CTH: variants seen among roughly 807,000 people sequenced by gnomAD.
CTH encodes cystathionine gamma-lyase.
Under a neutral mutation model 50.6 loss-of-function variants are expected in CTH, and 41 were observed. The observed-to-expected ratio is 0.81, with a 90% CI of 0.63 to 1.05. The LOEUF is 1.05. Among genes scored for constraint, CTH ranks in the 50% least tolerant of loss-of-function variants. CTH has a pLI of 0.00. For synonymous variants in CTH, 156 were observed against 168.9 expected (o/e 0.92, Z 0.59); for missense variants, 470 against 492.6 (o/e 0.95, Z 0.43).
intron 10 of CTH, among the ~76,000 whole-genome samples, chr1:70,436,311 C>G (rs1684597735): frequency 6.6e-6 from 1 of 152,008 alleles, no homozygotes; most frequent in African/African-American, 2.4e-5. Context: ...CTGGGTGATG[C>G]AGCGAGACTC....
intron 4 of CTH, among the ~76,000 whole-genome samples, chr1:70,423,808 C>T (rs1489774564): frequency 3.9e-5 from 6 of 152,018 alleles, no homozygotes; most frequent in African/African-American, 1.4e-4. Context: ...GATACTTATT[C>T]TATAGTTTCT....
chr1:70,433,077 A>G (rs1022228075), intron 8 of CTH, among the ~76,000 whole-genome samples: 2 of 152,044 alleles, frequency 1.3e-5, no homozygotes, highest in African/African-American at 4.8e-5. Context: ...GCTGACTTAC[A>G]TCTTACTTTT....
At chr1:70,425,626 T>A (rs1296296941) in intron 5 of CTH, among the ~76,000 whole-genome samples, 1 of 152,214 alleles carries the variant, frequency 6.6e-6, no homozygotes, top group Non-Finnish European at 1.5e-5. Flanking sequence ...TGGCATCTGC[T>A]TGGCTTCTGG....
rs1445051167 is a variant in CTH at position 70,433,719 on chromosome 1, C to T, written c.878-109C>T. The T allele has an allele frequency of 2.7e-5, 41 of 1,505,360 alleles. 1 individual carries two copies. Among genetic ancestry groups the T allele is most frequent in the South Asian group, 1.4e-4 (12 of 84,924 alleles). The allele number at this position is 1,505,360 out of a possible 1,614,324, so 93.3% of individuals were successfully genotyped here. On this transcript the variant is annotated intron_variant, in intron 8 of 11. Coordinates refer to ENST00000370938, the MANE Select transcript of CTH (RefSeq NM_001902.6). ...TCAGATGTGAGCATGGCATAATCCT[C>T]GTCTTAGGCTTATTTGCAGTTAAGT...
At chr1:70,424,498 A>G in intron 5 of CTH, 82 bp downstream of exon 5, 1 of 1,593,706 alleles carries the variant, frequency 6.3e-7, no homozygotes. Flanking sequence ...GCTTAAATTA[A>G]AATCATGATC....
intron 5 of CTH, among the ~76,000 whole-genome samples, chr1:70,429,171 C>T (rs1684411483): frequency 6.6e-6 from 1 of 152,048 alleles, no homozygotes; most frequent in Non-Finnish European, 1.5e-5. Flanking sequence ...GAACTAATGA[C>T]AAGAAAAAAG....
chr1:70,433,784 A>G (rs1684534030), intron 8 of CTH, 44 bp from the exon 9 acceptor site: 1 of 1,607,830 alleles, frequency 6.2e-7, no homozygotes, highest in Non-Finnish European at 8.5e-7. Flanking sequence ...CAAAAATTAC[A>G]TGTTTAATTC....
At chr1:70,432,840 C>T (rs368096123) in intron 8 of CTH, among the ~76,000 whole-genome samples, 6 of 152,116 alleles carry the variant, frequency 3.9e-5, no homozygotes, top group South Asian at 2.1e-4. Flanking sequence ...CCCGCCACCA[C>T]GCCCAGCTAT....
In CTH at chr1:70,420,055, C is replaced by T. The variant is rs376800189; in HGVS notation, c.347-1511C>T. The stretch of plus-strand genomic sequence containing the variant: ...GTTGCCAGGCTGGAGTGCAGTGGCA[C>T]GATCTCGGCTCACTGCAACCTCCGC... On this transcript the variant is annotated intron_variant, in intron 3 of 11. Coordinates refer to ENST00000370938, the MANE Select transcript of CTH (RefSeq NM_001902.6). Among the ~76,000 whole-genome samples the T allele has an allele frequency of 8.4e-4, 126 of 150,390 alleles. 1 individual carries two copies. The highest frequency in any genetic ancestry group is 2.9e-3 in the African/African-American group (117 of 40,818).
chr1:70,436,748 G>A (rs1431308904), intron 10 of CTH, among the ~76,000 whole-genome samples: 1 of 152,094 alleles, frequency 6.6e-6, no homozygotes, highest in African/African-American at 2.4e-5. Flanking sequence ...TCCGGAAGAT[G>A]CCTGCTAGTA....
At chr1:70,430,290 G>T (rs1438855860) in intron 6 of CTH, 27 bp from the exon 7 acceptor site, 1 of 1,324,646 alleles carries the variant, frequency 7.5e-7, no homozygotes, top group Non-Finnish European at 1.1e-6. Flanking sequence ...TGAAATTTTT[G>T]TTTGTTTGTT....
At chr1:70,432,344 T>C in intron 8 of CTH, 109 bp downstream of exon 8, 1 of 1,362,550 alleles carries the variant, frequency 7.3e-7, no homozygotes, top group South Asian at 1.2e-5. Context: ...CGTATTGTTT[T>C]TGTTCATTTA....
At chr1:70,434,871 G>A in intron 9 of CTH, 2 of 346,844 alleles carry the variant, frequency 5.8e-6, no homozygotes, top group Non-Finnish European at 1.1e-5. Context: ...TCCTGCTTCA[G>A]CCTTCCAGGT....
chr1:70,411,913 T>A (rs1247614833), intron 1 of CTH, among the ~76,000 whole-genome samples: 1 of 152,228 alleles, frequency 6.6e-6, no homozygotes, highest in Non-Finnish European at 1.5e-5. Context: ...ATTTTAAAGA[T>A]GTAGTACGGA....
At chr1:70,425,425 TAG>T (rs1684326307) in intron 5 of CTH, among the ~76,000 whole-genome samples, 2 of 152,218 alleles carry the variant, frequency 1.3e-5, no homozygotes, top group African/African-American at 4.8e-5. Flanking sequence ...TTCTGGTCCA[TAG>T]ATGGAGCCTT....
chr1:70,423,603 T>C (rs1684278812), intron 4 of CTH, among the ~76,000 whole-genome samples: 1 of 151,736 alleles, frequency 6.6e-6, no homozygotes, highest in South Asian at 2.1e-4. Context: ...TTCAGTACAA[T>C]GGCATTTCGT....
chr1:70,412,649 T>C (rs1683993796), intron 1 of CTH, among the ~76,000 whole-genome samples: 1 of 152,040 alleles, frequency 6.6e-6, no homozygotes, highest in African/African-American at 2.4e-5. Flanking sequence ...AAAGGCTAGG[T>C]TTGCATTCTG....
At chr1:70,416,299 A>G (rs966058702) in intron 2 of CTH, among the ~76,000 whole-genome samples, 1 of 152,206 alleles carries the variant, frequency 6.6e-6, no homozygotes, top group Non-Finnish European at 1.5e-5. Context: ...TACTACATTT[A>G]TCATGTAGTA....
At chr1:70,431,588 G>A (rs1285236131) in intron 7 of CTH, among the ~76,000 whole-genome samples, 2 of 152,166 alleles carry the variant, frequency 1.3e-5, no homozygotes, top group East Asian at 3.8e-4. Flanking sequence ...CTTATTGCTT[G>A]ATAAGTGTCC....
Sources: gnomAD v4.1 joint callset for allele counts (sites outside exome capture counted in the v4.1 genomes callset) on GRCh38, gnomAD v4.1.1 for gene constraint, MANE v1.5 for transcripts, NCBI Gene and HGNC (gene_info 2026-07-23, HGNC 2026-07-21) for gene names.